DAB1: variants seen among roughly 807,000 people sequenced by gnomAD.
The protein encoded by DAB1 is disabled homolog 1.
A neutral mutation model predicts 64.6 loss-of-function variants in DAB1; 15 were observed. The observed-to-expected ratio is 0.23, with a 90% confidence interval of 0.16 to 0.36. DAB1 has a LOEUF of 0.36. DAB1 is among the 10% of genes least tolerant of loss of function. The pLI is 1.00. For missense variants in DAB1, 596 were observed against 706.7 expected, an observed-to-expected ratio of 0.84 and a Z score of 1.78; for synonymous variants, 235 against 251.9, an observed-to-expected ratio of 0.93 and a Z score of 0.64.
intron 6 of DAB1, among the ~76,000 whole-genome samples, chr1:57,724,291 GAA>G: frequency 9.1e-6 from 1 of 109,456 alleles, no homozygotes; most frequent in Admixed American, 9.3e-5. Flanking sequence ...AGGAACGAAG[GAA>G]GGAAGGAAGG....
At chr1:58,454,019 C>T (rs1645165762) in intron 3 of DAB1, among the ~76,000 whole-genome samples, 1 of 152,130 alleles carries the variant, frequency 6.6e-6, no homozygotes, top group Non-Finnish European at 1.5e-5. Context: ...CACCTCCGTG[C>T]TACACACTAG....
intron 1 of DAB1, among the ~76,000 whole-genome samples, chr1:57,422,541 A>C (rs186694874): frequency 0.012 from 1,830 of 151,884 alleles, 43 homozygotes; most frequent in African/African-American, 0.041. Flanking sequence ...GGCGACACAT[A>C]CACACCGGAG....
intron 5 of DAB1, chr1:58,047,878 T>G: frequency 2.9e-6 from 1 of 339,022 alleles, no homozygotes; most frequent in Non-Finnish European, 5.6e-6. Context: ...ACGATCAGAC[T>G]ATTACATTTA....
intron 2 of DAB1, among the ~76,000 whole-genome samples, chr1:57,227,680 C>G (rs1440258799): frequency 6.6e-6 from 1 of 152,010 alleles, no homozygotes; most frequent in Non-Finnish European, 1.5e-5. Flanking sequence ...CTTCAGCGTC[C>G]CTAGTAACTG....
At chr1:57,693,009 T>C (rs2101716173) in intron 6 of DAB1, among the ~76,000 whole-genome samples, 1 of 152,322 alleles carries the variant, frequency 6.6e-6, no homozygotes, top group African/African-American at 2.4e-5. Context: ...TTGGGCCCTA[T>C]ATTTTTAACC....
chr1:58,493,404 A>G (rs1645735101), intron 3 of DAB1, among the ~76,000 whole-genome samples: 1 of 152,168 alleles, frequency 6.6e-6, no homozygotes, highest in South Asian at 2.1e-4. Flanking sequence ...ATAGTGTTGG[A>G]AGTTCTGGCC....
At chr1:57,298,619 G>A (rs146452895) in intron 1 of DAB1, among the ~76,000 whole-genome samples, 1 of 152,116 alleles carries the variant, frequency 6.6e-6, no homozygotes, top group Non-Finnish European at 1.5e-5. Context: ...GGCATTGTTA[G>A]TTGTATTTAC....
intron 3 of DAB1, among the ~76,000 whole-genome samples, chr1:58,461,805 A>T (rs1174011079): frequency 6.6e-6 from 1 of 152,086 alleles, no homozygotes; most frequent in South Asian, 2.1e-4. Context: ...AAATGCGCTG[A>T]TTTTCACCCT....
intron 3 of DAB1, among the ~76,000 whole-genome samples, chr1:58,348,749 G>A (rs1644024110): frequency 6.6e-6 from 1 of 152,108 alleles, no homozygotes; most frequent in Non-Finnish European, 1.5e-5. Context: ...TACACACGTT[G>A]GGAAGTTTTT....
intron 5 of DAB1, among the ~76,000 whole-genome samples, chr1:57,899,740 C>A (rs1644445597): frequency 1.3e-5 from 2 of 152,002 alleles, no homozygotes. Flanking sequence ...CTTTCATTCA[C>A]CTTTCTTTTA....
At chr1:57,469,517 GC>G (rs1466375253) in intron 7 of DAB1, among the ~76,000 whole-genome samples, 2 of 152,132 alleles carry the variant, frequency 1.3e-5, no homozygotes, top group Non-Finnish European at 2.9e-5. Context: ...CCCACCAACA[GC>G]CCCAGGTCCA....
rs869204611 is a variant in DAB1 at position 58,180,281 on chromosome 1, C to CTTTTTTTTTTTTTTTTTTTTTTT, written n.310-29716_310-29694dup. ...CTTTCTTTTTTCTTTTTTTTCTTTTCTTTTTTTTTTTTTTTTTTTTTTTTT... is the reference window on the plus strand; with the variant it reads ...CTTTCTTTTTTCTTTTTTTTCTTTTCTTTTTTTTTTTTTTTTTTTTTTTTTTTTTTTTTTTTTTTTTTTTTTTT... On this transcript the variant is annotated intron_variant and non_coding_transcript_variant, in intron 4 of 20. Transcript: ENST00000485760. 3.4e-4 allele frequency among the ~76,000 whole-genome samples: 21 copies of CTTTTTTTTTTTTTTTTTTTTTTT among 61,036 alleles called. 2 individuals are homozygous for CTTTTTTTTTTTTTTTTTTTTTTT. Among genetic ancestry groups the CTTTTTTTTTTTTTTTTTTTTTTT allele is most frequent in the African/African-American group, 9.9e-4 (14 of 14,092 alleles). 40.0% of individuals were successfully genotyped at this position (61,036 alleles called of 152,430 possible).
At chr1:57,988,635 A>G (rs1646279087) in intron 5 of DAB1, among the ~76,000 whole-genome samples, 1 of 152,042 alleles carries the variant, frequency 6.6e-6, no homozygotes, top group Non-Finnish European at 1.5e-5. Flanking sequence ...TGTTATTGCA[A>G]TTTAAGCACA....
intron 7 of DAB1, among the ~76,000 whole-genome samples, chr1:57,573,300 C>T (rs1396320281): frequency 6.6e-6 from 1 of 152,118 alleles, no homozygotes; most frequent in Non-Finnish European, 1.5e-5. Flanking sequence ...CTATTTTCCC[C>T]AGGCTGATCT....
intron 5 of DAB1, among the ~76,000 whole-genome samples, chr1:57,898,861 C>T (rs958549910): frequency 7.9e-5 from 12 of 152,030 alleles, no homozygotes; most frequent in Non-Finnish European, 1.2e-4. Flanking sequence ...TGTATGTGTG[C>T]GTGTGTGCGT....
intron 3 of DAB1, among the ~76,000 whole-genome samples, chr1:58,451,831 C>T (rs1645139784): frequency 1.3e-5 from 2 of 151,696 alleles, no homozygotes; most frequent in Non-Finnish European, 1.5e-5. Context: ...TTGCAGCTCA[C>T]ATACTCAGTG....
intron 6 of DAB1, among the ~76,000 whole-genome samples, chr1:57,811,234 C>T (rs1009393373): frequency 3.9e-5 from 6 of 152,194 alleles, no homozygotes; most frequent in African/African-American, 7.2e-5. Flanking sequence ...CCAAATCTCA[C>T]GTCAAATTGT....
chr1:57,677,357 C>A (rs1180803260), intron 6 of DAB1, among the ~76,000 whole-genome samples: 1 of 152,192 alleles, frequency 6.6e-6, no homozygotes, highest in Non-Finnish European at 1.5e-5. Flanking sequence ...GACCCTAACA[C>A]CTGAGTAGTA....
chr1:57,818,210 G>A (rs1379516017), intron 6 of DAB1, among the ~76,000 whole-genome samples: 1 of 152,134 alleles, frequency 6.6e-6, no homozygotes, highest in African/African-American at 2.4e-5. Context: ...AAGGCATTTG[G>A]AAATAGAAAT....
Sources: gnomAD v4.1 joint callset for allele counts (sites outside exome capture counted in the v4.1 genomes callset) on GRCh38, gnomAD v4.1.1 for gene constraint, MANE v1.5 for transcripts, NCBI Gene and HGNC (gene_info 2026-07-23, HGNC 2026-07-21) for gene names.